Variants in RICTOR observed in about 807,000 individuals in gnomAD.
RICTOR encodes the protein RPTOR independent companion of MTOR complex 2.
In RICTOR, 49 loss-of-function variants were observed where a neutral mutation model predicts 214.9. The ratio of observed to expected loss-of-function variants is 0.23; its 90% confidence interval spans 0.18 to 0.29. The LOEUF is 0.29. Ranked by LOEUF, RICTOR falls within the 10% of genes least tolerant of loss-of-function variation. The pLI, the probability that RICTOR is intolerant of heterozygous loss-of-function variation, is 1.00. For synonymous variants in RICTOR, 717 were observed against 711.3 expected (o/e 1.01, Z -0.13); for missense variants, 1,625 against 2,047.0 (o/e 0.79, Z 3.98).
intron 2 of RICTOR, among the ~76,000 whole-genome samples, chr5:39,034,315 A>C (rs1218871322): frequency 6.6e-6 from 1 of 152,212 alleles, no homozygotes; most frequent in Non-Finnish European, 1.5e-5. Flanking sequence ...CATCTATTAA[A>C]AGTTGTATAA....
intron 4 of RICTOR, 131 bp from the exon 5 acceptor site, chr5:39,002,797 T>C (rs13157073): frequency 1.2e-6 from 1 of 833,460 alleles, no homozygotes; most frequent in Non-Finnish European, 1.8e-6. Context: ...AAGAGCATTC[T>C]ACATATATAA....
chr5:39,028,938 T>C (rs1021395334), intron 2 of RICTOR, among the ~76,000 whole-genome samples: 2 of 152,016 alleles, frequency 1.3e-5, no homozygotes, highest in African/African-American at 2.4e-5. Flanking sequence ...AACAAACTAC[T>C]TATACATACA....
chr5:39,055,602 A>G (rs1758153409), intron 2 of RICTOR, among the ~76,000 whole-genome samples: 1 of 152,202 alleles, frequency 6.6e-6, no homozygotes, highest in South Asian at 2.1e-4. Flanking sequence ...CCCAGTACAC[A>G]GTAAAGGTCA....
At chr5:38,960,355 T>C (rs371685470) in intron 20 of RICTOR, 43 bp downstream of exon 20, 9 of 1,588,722 alleles carry the variant, frequency 5.7e-6, no homozygotes, top group African/African-American at 1.4e-5. Context: ...GGAAGCAAAT[T>C]CAATAAAAAA....
At chr5:39,017,722 T>G (rs1184804875) in intron 3 of RICTOR, among the ~76,000 whole-genome samples, 1 of 152,150 alleles carries the variant, frequency 6.6e-6, no homozygotes, top group African/African-American at 2.4e-5. Flanking sequence ...AAAATTGTAT[T>G]ACATAGTGAC....
At chr5:39,026,039 C>A (rs1185937605) in intron 2 of RICTOR, among the ~76,000 whole-genome samples, 1 of 152,154 alleles carries the variant, frequency 6.6e-6, no homozygotes, top group Non-Finnish European at 1.5e-5. Context: ...TTACCTGTCT[C>A]TATTTCTTCC....
At chr5:38,974,309 G>A (rs899918001) in intron 10 of RICTOR, among the ~76,000 whole-genome samples, 4 of 151,942 alleles carry the variant, frequency 2.6e-5, no homozygotes, top group African/African-American at 9.7e-5. Flanking sequence ...CTTAGCATGA[G>A]CGACTGCACC....
intron 8 of RICTOR, among the ~76,000 whole-genome samples, chr5:38,979,041 T>A (rs1284076086): frequency 3.3e-5 from 5 of 152,220 alleles, no homozygotes; most frequent in African/African-American, 9.6e-5. Context: ...AAAATTTAAA[T>A]AGTTCTATTA....
Position 38,962,967 on chromosome 5 carries a change from A to G in RICTOR, c.1475T>C (p.Leu492Pro), listed in dbSNP as rs1362151364. ...MKKRGPKPYS[L>P]HLDHIIQKAI... The stretch of plus-strand genomic sequence containing the variant: ...TTTCTGAATAATGTGGTCTAAATGA[A>G]GACTATAAGGCTTAGGTCCTCGTTT... The change falls in exon 17 of 38, where the codon CTT (leucine) becomes CCT (proline). Residue 492 changes from leucine (L) to proline (P), a missense_variant. By Grantham distance (98) the Leu-to-Pro change is moderately conservative. This residue lies in a region of RICTOR where 1,214 missense variants were observed against 1,470.5 expected (regional missense o/e 0.83). Coordinates refer to ENST00000357387, the MANE Select transcript of RICTOR (RefSeq NM_152756.5). 4.3e-6 allele frequency: 7 copies of G among 1,612,880 alleles called. No homozygotes were observed. Among genetic ancestry groups the G allele is most frequent in the Admixed American group, 1.7e-5 (1 of 59,990 alleles).
intron 2 of RICTOR, among the ~76,000 whole-genome samples, chr5:39,027,172 A>G (rs2150144779): frequency 6.6e-6 from 1 of 152,298 alleles, no homozygotes; most frequent in South Asian, 2.1e-4. Flanking sequence ...TAAAACTTTA[A>G]GTATAGCTGA....
chr5:38,949,685 G>A (rs1343265993), intron 31 of RICTOR, 27 bp downstream of exon 31: 1 of 1,576,070 alleles, frequency 6.3e-7, no homozygotes. Context: ...ACCATTATTG[G>A]TCACTTCTAA....
rs70982534 is a variant in RICTOR at position 39,004,776 on chromosome 5, CTTTTTTTTTTTT to C, written c.196-1166_196-1155del. Among the ~76,000 whole-genome samples, 197 of 105,834 alleles carry C rather than the reference CTTTTTTTTTTTT, an allele frequency of 1.9e-3. 1 individual carries two copies. Among genetic ancestry groups the C allele is most frequent in the Admixed American group, 3.3e-3 (30 of 9,000 alleles). 69.4% of individuals were successfully genotyped at this position (105,834 alleles called of 152,430 possible). Reference sequence around the variant, plus strand: ...GCCACCGCACTGGGCCTCTCAGACTCTTTTTTTTTTTTTTTTTTTTTTGAGATGGAGTTTCAT... The same window carrying C: ...GCCACCGCACTGGGCCTCTCAGACTCTTTTTTTTTTGAGATGGAGTTTCAT... On this transcript the variant is annotated intron_variant, in intron 3 of 37. Coordinates refer to ENST00000357387, the MANE Select transcript of RICTOR (RefSeq NM_152756.5).
At chr5:39,014,402 C>G (rs563727192) in intron 3 of RICTOR, among the ~76,000 whole-genome samples, 1 of 152,036 alleles carries the variant, frequency 6.6e-6, no homozygotes, top group African/African-American at 2.4e-5. Context: ...GTATTTCTGT[C>G]AGAACAGGGA....
chr5:39,010,956 G>A (rs1356701718), intron 3 of RICTOR, among the ~76,000 whole-genome samples: 1 of 152,152 alleles, frequency 6.6e-6, no homozygotes, highest in Admixed American at 6.5e-5. Context: ...TTTCTGAGGA[G>A]AAATTCAAGC....
chr5:38,967,832 G>A, intron 12 of RICTOR, 111 bp downstream of exon 12: 1 of 577,596 alleles, frequency 1.7e-6, no homozygotes, highest in South Asian at 2.8e-5. Flanking sequence ...CAATTATGCA[G>A]CAAGAAAAGA....
chr5:39,017,088 C>T (rs1051307563), intron 3 of RICTOR, among the ~76,000 whole-genome samples: 6 of 152,028 alleles, frequency 3.9e-5, no homozygotes, highest in Non-Finnish European at 7.4e-5. Flanking sequence ...TTTAAGATTG[C>T]TGTAAGACCC....
chr5:38,950,470 T>G lies in RICTOR; in HGVS notation c.3378A>C (p.Thr1126=). ...KGGKLSSESK[T]SNRRIRTLTE... ...TAAGTGTTCTGATTCGCCTGTTGCT[T>G]GTCTTACTTTCAGATGATAATTTCC... is the stretch of plus-strand genomic sequence containing the variant. Residue 1126 remains threonine, a synonymous_variant, in exon 31 of 38, where the codon ACA becomes ACC. Coordinates refer to ENST00000357387, the MANE Select transcript of RICTOR (RefSeq NM_152756.5). 6.2e-7 allele frequency: 1 copy of G among 1,613,568 alleles called. No individual in the cohort carries two copies. The highest frequency in any genetic ancestry group is 8.5e-7 in the Non-Finnish European group (1 of 1,179,664).
chr5:38,996,764 A>G, intron 6 of RICTOR, 55 bp downstream of exon 6: 1 of 1,047,738 alleles, frequency 9.5e-7, no homozygotes, highest in East Asian at 2.4e-5. Flanking sequence ...CTAAAAATGT[A>G]AATATTAACA....
chr5:39,002,509 T>A, intron 5 of RICTOR, 26 bp downstream of exon 5: 1 of 1,549,230 alleles, frequency 6.5e-7, no homozygotes, highest in Non-Finnish European at 8.8e-7. Context: ...ATTTCAAAAA[T>A]ATATAAACAA....
Sources: allele counts gnomAD v4.1 joint callset (sites outside exome capture counted in the v4.1 genomes callset), GRCh38; gene constraint gnomAD v4.1.1; regional missense constraint gnomAD v4.1.1; transcripts MANE v1.5; gene names NCBI Gene and HGNC (gene_info 2026-07-23, HGNC 2026-07-21).